The following ZC3H12B variants were observed in gnomAD, a reference collection of about 807,000 sequenced individuals.
The protein encoded by ZC3H12B is probable ribonuclease ZC3H12B.
ZC3H12B carries 7 observed loss-of-function variants against 43.9 expected under a neutral mutation model. The observed-to-expected ratio is 0.16, with a 90% CI of 0.09 to 0.30. ZC3H12B has a LOEUF of 0.30. Ranked by LOEUF, ZC3H12B falls within the 10% of genes least tolerant of loss-of-function variation. The pLI is 1.00. For missense variants in ZC3H12B, 475 were observed against 670.2 expected, an observed-to-expected ratio of 0.71 and a Z score of 3.22; for synonymous variants, 222 against 241.7, an observed-to-expected ratio of 0.92 and a Z score of 0.76.
At chrX:65,149,563 C>G in the ZC3H12B span, among the ~76,000 whole-genome samples, 2 of 109,429 alleles carry the variant, frequency 1.8e-5, no homozygotes, top group Non-Finnish European at 3.8e-5. Context: ...CAGATCAAGA[C>G]CATCCTGGCT....
chrX:65,260,593 A>G, the ZC3H12B span, among the ~76,000 whole-genome samples: 1 of 112,232 alleles, frequency 8.9e-6, no homozygotes, highest in African/African-American at 3.2e-5. Context: ...ACAAAGAATA[A>G]CAGATATTGG....
chrX:65,373,969 T>TA (rs1315441990), intron 2 of ZC3H12B, among the ~76,000 whole-genome samples: 9 of 49,915 alleles, frequency 1.8e-4, no homozygotes, highest in African/African-American at 1.6e-3. Flanking sequence ...ACTGTATATA[T>TA]AGTATATATA....
chrX:65,137,820 T>C, the ZC3H12B span, among the ~76,000 whole-genome samples: 2 of 112,778 alleles, frequency 1.8e-5, no homozygotes, highest in East Asian at 2.8e-4. Flanking sequence ...TTATTGACCA[T>C]AGTCACATAA....
At chrX:65,448,937 A>AAAAGAAAGAAAGAAAGAAAAAGAAAG (rs1569412139) in intron 3 of ZC3H12B, among the ~76,000 whole-genome samples, 2 of 26,853 alleles carry the variant, frequency 7.4e-5, no homozygotes, top group African/African-American at 1.8e-4. Flanking sequence ...AAAGAGAAGG[A>AAAAGAAAGAAAGAAAGAAAAAGAAAG]AAAGAAAGAA....
the ZC3H12B span, among the ~76,000 whole-genome samples, chrX:65,159,050 T>A: frequency 8.9e-6 from 1 of 111,871 alleles, no homozygotes; most frequent in African/African-American, 3.2e-5. Flanking sequence ...CATTGCTTGT[T>A]TTTCTCAGGT....
the ZC3H12B span, among the ~76,000 whole-genome samples, chrX:65,359,680 G>A: frequency 8.9e-6 from 1 of 112,493 alleles, no homozygotes; most frequent in African/African-American, 3.2e-5. Context: ...TTTTATGTAT[G>A]AGCAAAGAAA....
the ZC3H12B span, among the ~76,000 whole-genome samples, chrX:65,360,123 A>G: frequency 1.8e-5 from 2 of 112,291 alleles, no homozygotes; most frequent in African/African-American, 6.5e-5. Flanking sequence ...TTTAGACATA[A>G]TGCTATTGCA....
chrX:65,206,413 AG>A, the ZC3H12B span, among the ~76,000 whole-genome samples: 1 of 112,137 alleles, frequency 8.9e-6, no homozygotes, highest in African/African-American at 3.2e-5. Flanking sequence ...AAGTAGGGAA[AG>A]GACACCCTAT....
At chrX:65,283,158 G>T in the ZC3H12B span, among the ~76,000 whole-genome samples, 4 of 110,700 alleles carry the variant, frequency 3.6e-5, no homozygotes, top group Non-Finnish European at 3.8e-5. Context: ...GGGATGCGAG[G>T]CTGGTTCAAC....
intron 3 of ZC3H12B, among the ~76,000 whole-genome samples, chrX:65,479,542 A>T (rs1188506000): frequency 9.1e-6 from 1 of 110,167 alleles, no homozygotes; most frequent in Non-Finnish European, 1.9e-5. Context: ...TAATTTTTGT[A>T]TTTTTAGTAG....
At chrX:65,147,763 G>A in the ZC3H12B span, among the ~76,000 whole-genome samples, 1 of 110,960 alleles carries the variant, frequency 9.0e-6, no homozygotes, top group Non-Finnish European at 1.9e-5. Context: ...GGAGTCTGGG[G>A]CCATGGAGTT....
At chrX:65,176,037 A>C in the ZC3H12B span, among the ~76,000 whole-genome samples, 1 of 111,690 alleles carries the variant, frequency 9.0e-6, no homozygotes, top group Admixed American at 9.5e-5. Context: ...CCAGTGAGAC[A>C]GAACCATTCA....
At chrX:65,397,083 G>A in intron 2 of ZC3H12B, among the ~76,000 whole-genome samples, 1 of 110,944 alleles carries the variant, frequency 9.0e-6, no homozygotes, top group Middle Eastern at 4.6e-3. Context: ...TTTATTTTGA[G>A]CCTATATGTG....
At chrX:65,410,763 A>C (rs1022635892) in intron 3 of ZC3H12B, among the ~76,000 whole-genome samples, 2 of 112,248 alleles carry the variant, frequency 1.8e-5, no homozygotes, top group Non-Finnish European at 3.8e-5. Flanking sequence ...ATAAGATATC[A>C]TCTCACCCCA....
the ZC3H12B span, among the ~76,000 whole-genome samples, chrX:65,309,523 A>T: frequency 3.6e-5 from 4 of 111,858 alleles, no homozygotes; most frequent in Non-Finnish European, 7.5e-5. Flanking sequence ...CAATCAAAAA[A>T]ATTCCAGGAC....
At chrX:65,472,396 TTTTG>T (rs910989165) in intron 3 of ZC3H12B, among the ~76,000 whole-genome samples, 72 of 89,705 alleles carry the variant, frequency 8.0e-4, no homozygotes, top group East Asian at 1.4e-3. Context: ...TTTTTGTTTT[TTTTG>T]TTTGTTTGTT....
chrX:65,431,018 C>T (rs1475311007), intron 3 of ZC3H12B, among the ~76,000 whole-genome samples: 2 of 112,330 alleles, frequency 1.8e-5, no homozygotes, highest in Non-Finnish European at 3.8e-5. Context: ...CTTTGGCCAA[C>T]TCCCCCCATT....
intron 3 of ZC3H12B, among the ~76,000 whole-genome samples, chrX:65,467,298 C>T (rs773905461): frequency 4.0e-4 from 44 of 110,619 alleles, no homozygotes; most frequent in Non-Finnish European, 4.2e-4. Context: ...CTTTTTATGG[C>T]TGAGTAGTAT....
chrX:65,464,350 TA>T (rs2067791088), intron 3 of ZC3H12B, among the ~76,000 whole-genome samples: 1 of 111,824 alleles, frequency 8.9e-6, no homozygotes, highest in African/African-American at 3.2e-5. Flanking sequence ...TCCGTTTTAG[TA>T]TTTTGTCTTT....
Sources: allele counts gnomAD v4.1 joint callset (sites outside exome capture counted in the v4.1 genomes callset), GRCh38; gene constraint gnomAD v4.1.1; transcripts MANE v1.5; gene names NCBI Gene and HGNC (gene_info 2026-07-23, HGNC 2026-07-21).